Variants in HDAC4 observed in about 807,000 individuals in gnomAD.
HDAC4 encodes histone deacetylase A.
HDAC4 carries 16 observed loss-of-function variants against 135.1 expected under a neutral mutation model. The ratio of observed to expected loss-of-function variants is 0.12; its 90% confidence interval spans 0.08 to 0.18. The LOEUF (loss-of-function observed/expected upper bound fraction) is 0.18, where lower values mean the gene tolerates loss of function less well. Ranked by LOEUF, HDAC4 falls within the 10% of genes least tolerant of loss-of-function variation. HDAC4 has a pLI of 1.00. For synonymous variants in HDAC4, 685 were observed against 653.4 expected (o/e 1.05, Z -0.74); for missense variants, 1,143 against 1,511.8 (o/e 0.76, Z 4.05).
chr2:239,214,294 G>A (rs117587625), intron 3 of HDAC4, among the ~76,000 whole-genome samples: 2 of 152,160 alleles, frequency 1.3e-5, no homozygotes, highest in East Asian at 3.9e-4. Context: ...TGGCCCTGTC[G>A]ACACTCTGTC....
intron 3 of HDAC4, among the ~76,000 whole-genome samples, chr2:239,219,462 A>C (rs560029770): frequency 4.5e-4 from 64 of 143,474 alleles, no homozygotes; most frequent in African/African-American, 1.7e-3. Flanking sequence ...CACACCGGGG[A>C]CTGTTGTGGG....
At chr2:239,157,508 T>G (rs888177194) in intron 6 of HDAC4, among the ~76,000 whole-genome samples, 1 of 152,076 alleles carries the variant, frequency 6.6e-6, no homozygotes, top group African/African-American at 2.4e-5. Flanking sequence ...AGGACGGACA[T>G]GGGGAGGAGG....
chr2:239,384,036 G>C (rs1206353496), intron 1 of HDAC4, among the ~76,000 whole-genome samples: 1 of 152,204 alleles, frequency 6.6e-6, no homozygotes, highest in African/African-American at 2.4e-5. Flanking sequence ...GCCTCTAATG[G>C]GAAGCCACGA....
At chr2:239,241,530 T>G (rs1220652575) in intron 2 of HDAC4, among the ~76,000 whole-genome samples, 1 of 152,248 alleles carries the variant, frequency 6.6e-6, no homozygotes. Flanking sequence ...TTCTGAACAT[T>G]AATCCTCTGT....
chr2:239,162,832 G>A (rs1413249139), intron 6 of HDAC4, among the ~76,000 whole-genome samples: 1 of 152,162 alleles, frequency 6.6e-6, no homozygotes, highest in Non-Finnish European at 1.5e-5. Flanking sequence ...CGGAAACAAG[G>A]GGGATCGCGT....
chr2:239,294,414 C>T (rs2051723559), intron 2 of HDAC4, among the ~76,000 whole-genome samples: 1 of 152,128 alleles, frequency 6.6e-6, no homozygotes, highest in African/African-American at 2.4e-5. Context: ...CTGGAGCCTA[C>T]CTGGCTCCCA....
intron 3 of HDAC4, among the ~76,000 whole-genome samples, chr2:239,230,895 A>C (rs1178483489): frequency 6.6e-6 from 1 of 152,118 alleles, no homozygotes; most frequent in Non-Finnish European, 1.5e-5. Flanking sequence ...CCGCCACAAA[A>C]CACATCTAGG....
intron 18 of HDAC4, 152 bp from the exon 19 acceptor site, chr2:239,087,766 G>A: frequency 4.0e-6 from 3 of 750,770 alleles, no homozygotes; most frequent in Non-Finnish European, 7.0e-6. Flanking sequence ...GGGACAGGAT[G>A]CAGGGCCAGC....
At chr2:239,128,952 C>T (rs1056956387) in intron 11 of HDAC4, among the ~76,000 whole-genome samples, 29 of 152,346 alleles carry the variant, frequency 1.9e-4, no homozygotes, top group African/African-American at 6.5e-4. Context: ...CAGGGCTCTG[C>T]CTCCCGCCAT....
intron 9 of HDAC4, among the ~76,000 whole-genome samples, chr2:239,135,535 G>A (rs889163478): frequency 6.6e-6 from 1 of 152,222 alleles, no homozygotes; most frequent in Non-Finnish European, 1.5e-5. Flanking sequence ...TAGAGGAACG[G>A]CGAACACTGT....
At chr2:239,345,420 T>C (rs926567612) in intron 2 of HDAC4, among the ~76,000 whole-genome samples, 12 of 151,856 alleles carry the variant, frequency 7.9e-5, no homozygotes, top group Non-Finnish European at 1.0e-4. Flanking sequence ...CGTGGTGGCA[T>C]GCAGAGGTGC....
rs535300827 is a variant in HDAC4 at position 239,330,674 on chromosome 2, A to G, written c.22+22004T>C. On this transcript the variant is annotated intron_variant, in intron 2 of 26. Transcript: ENST00000543185. Reference sequence around the variant, plus strand: ...TGACAAACAAAATGGCTGCTTCCCCATAATGCTAACATCCCCTGGTCATGA... The same window carrying G: ...TGACAAACAAAATGGCTGCTTCCCCGTAATGCTAACATCCCCTGGTCATGA... Among the ~76,000 whole-genome samples, 8 of 152,352 alleles carry G rather than the reference A, an allele frequency of 5.3e-5. No individual in the cohort carries two copies. The South Asian group carries it at 1.7e-3, about 32-fold the overall frequency.
intron 7 of HDAC4, among the ~76,000 whole-genome samples, chr2:239,154,413 C>T (rs769054314): frequency 5.9e-5 from 9 of 152,094 alleles, no homozygotes; most frequent in Non-Finnish European, 7.4e-5. Flanking sequence ...GCCAGGGGAA[C>T]GGAAGGCATT....
intron 3 of HDAC4, among the ~76,000 whole-genome samples, chr2:239,231,364 C>T (rs921947922): frequency 1.1e-4 from 17 of 152,224 alleles, no homozygotes; most frequent in African/African-American, 4.1e-4. Context: ...TAGCACAGCC[C>T]TCAGGGCAGT....
chr2:239,205,097 C>T (rs577574063), intron 3 of HDAC4, among the ~76,000 whole-genome samples: 119 of 152,336 alleles, frequency 7.8e-4, no homozygotes, highest in African/African-American at 2.7e-3. Context: ...CCCCACGTGG[C>T]TGGCAGGTGG....
At chr2:239,258,363 G>A (rs868235358) in intron 2 of HDAC4, among the ~76,000 whole-genome samples, 7 of 151,180 alleles carry the variant, frequency 4.6e-5, no homozygotes, top group African/African-American at 1.2e-4. Flanking sequence ...TACCCCAAAT[G>A]GCTAAAAGAC....
intron 24 of HDAC4, among the ~76,000 whole-genome samples, chr2:239,060,121 T>G (rs572712206): frequency 6.6e-6 from 1 of 152,318 alleles, no homozygotes; most frequent in South Asian, 2.1e-4. Flanking sequence ...CACATGGCAC[T>G]CGGGGTACAA....
rs1575079732 is a variant in HDAC4, at chr2:239,115,385, G to T, written c.1534-75C>A. 1.9e-6 allele frequency: 3 copies of T among 1,576,926 alleles called. No individual in the cohort carries two copies. The Admixed American group carries it at 5.0e-5, about 27-fold the overall frequency. Reference sequence around the variant, plus strand: ...CTCATCTGACAGGAGAAGGGATGCTGCAAACCCCACCCTCTGGGGCAGACA... The same window carrying T: ...CTCATCTGACAGGAGAAGGGATGCTTCAAACCCCACCCTCTGGGGCAGACA... On this transcript the variant is annotated intron_variant, in intron 12 of 26. Transcript: ENST00000543185. The surrounding 1 kb of genome is among the most constrained non-coding windows in gnomAD (Gnocchi z 6.3).
rs554639920 is a variant in HDAC4 at position 239,055,107 on chromosome 2, C to A, written c.3004-274G>T. The A allele has an allele frequency of 8.4e-4, 334 of 397,492 alleles. 3 individuals carry two copies. The highest frequency in any genetic ancestry group is 1.3e-3 in the Non-Finnish European group (280 of 209,948). 24.6% of individuals were successfully genotyped at this position (397,492 alleles called of 1,614,324 possible). On this transcript the variant is annotated intron_variant, in intron 24 of 26. Transcript: ENST00000543185. ...ACAGTCCCCAGGAGTGGGGCTGGCACCTGCACGTGAACTTGGTATCTGCCA... is the reference window on the plus strand; with the variant it reads ...ACAGTCCCCAGGAGTGGGGCTGGCAACTGCACGTGAACTTGGTATCTGCCA...
Sources: allele counts gnomAD v4.1 joint callset (sites outside exome capture counted in the v4.1 genomes callset), GRCh38; gene constraint gnomAD v4.1.1; non-coding constraint Gnocchi (gnomAD v3.1); transcripts MANE v1.5; gene names NCBI Gene and HGNC (gene_info 2026-07-23, HGNC 2026-07-21).